OGDH: variants seen among roughly 807,000 people sequenced by gnomAD.
OGDH encodes 2-oxoglutarate dehydrogenase complex component E1.
In OGDH, 38 loss-of-function variants were observed where a neutral mutation model predicts 116.6. That is an observed-to-expected ratio of 0.33 (90% CI 0.25 to 0.43). The LOEUF is 0.43. OGDH is among the 20% of genes least tolerant of loss of function. The pLI, the probability that OGDH is intolerant of heterozygous loss-of-function variation, is 1.00. For synonymous variants in OGDH, 488 were observed against 533.3 expected, an observed-to-expected ratio of 0.92 and a Z score of 1.17; for missense variants, 825 against 1,357.2, an observed-to-expected ratio of 0.61 and a Z score of 6.16.
In OGDH at chr7:44,624,400, T is replaced by C. The variant is rs754488916; in HGVS notation, c.57T>C (p.Thr19=). 3.1e-5 allele frequency: 50 copies of C among 1,607,966 alleles called. No individual in the cohort carries two copies. Among genetic ancestry groups the C allele is most frequent in the Non-Finnish European group, 4.1e-5 (48 of 1,177,658 alleles). The part of the protein sequence containing the change: ...AKLRPLTASQ[T]VKTFSQNRPA... Reference sequence around the variant, plus strand: ...TGAGGCCATTGACGGCTTCCCAGACTGTTAAGACATTTTCACAAAACAGAC... The same window carrying C: ...TGAGGCCATTGACGGCTTCCCAGACCGTTAAGACATTTTCACAAAACAGAC... The change falls in exon 2 of 23, where the codon ACT becomes ACC. Residue 19 remains threonine (T), a synonymous_variant. Transcript: ENST00000222673.
In OGDH at chr7:44,619,432, A is replaced by G. The variant is rs80216863; in HGVS notation, c.-27-4885A>G. 2.5e-3 allele frequency among the ~76,000 whole-genome samples: 386 copies of G among 152,280 alleles called. 9 individuals carry two copies. In the East Asian group the frequency reaches 0.053, roughly 21 times the overall value. ...TATTGGTAGGGAGAATTCCCCACAC[A>G]TTTAGTCACAGAAATCTTCTGTGTT... On this transcript the variant is annotated intron_variant, in intron 1 of 22. Coordinates refer to ENST00000222673, the MANE Select transcript of OGDH (RefSeq NM_002541.4).
intron 2 of OGDH, among the ~76,000 whole-genome samples, chr7:44,637,857 A>G (rs566042497): frequency 6.6e-6 from 1 of 151,990 alleles, no homozygotes; most frequent in South Asian, 2.1e-4. Flanking sequence ...TTGACATGGT[A>G]CATCCTGCAC....
intron 5 of OGDH, among the ~76,000 whole-genome samples, chr7:44,672,699 G>A (rs1488849476): frequency 6.8e-6 from 1 of 148,064 alleles, no homozygotes; most frequent in Non-Finnish European, 1.5e-5. Flanking sequence ...CTGGAGTGCA[G>A]TGGCATGATC....
At position 44,624,453 on chromosome 7, in the gene OGDH, T is replaced by C. The variant is rs746426561; in HGVS notation, c.110T>C (p.Ile37Thr). 1 of 1,613,776 alleles carries C rather than the reference T, an allele frequency of 6.2e-7. No homozygotes were observed. The highest frequency in any genetic ancestry group is 1.3e-5 in the African/African-American group (1 of 74,808). Residue 37 changes from isoleucine (I) to threonine (T), a missense_variant, in exon 2 of 23, where the codon ATT becomes ACT. Ile to Thr is a moderately conservative substitution (Grantham distance 89, BLOSUM62 -1). Transcript: ENST00000222673. The stretch of plus-strand genomic sequence containing the variant: ...GCAGCAGCTAGGACATTTCAACAGA[T>C]TCGGTGCTATTCTGCACCTGTTGCT... ...RPAAARTFQQ[I>T]RCYSAPVAAE...
Position 44,697,745 on chromosome 7 carries a change from G to C in OGDH, c.2321G>C (p.Gly774Ala), listed in dbSNP as rs937655977. 10 of 1,614,168 alleles carry C rather than the reference G, an allele frequency of 6.2e-6. No homozygotes were observed. Among genetic ancestry groups the C allele is most frequent in the Non-Finnish European group, 8.5e-6 (10 of 1,180,016 alleles). The change falls in exon 17 of 23, where the codon GGC becomes GCC. Residue 774 changes from glycine to alanine, a missense_variant. Gly to Ala is a moderately conservative substitution (Grantham distance 60). Coordinates refer to ENST00000222673, the MANE Select transcript of OGDH (RefSeq NM_002541.4). This position sits in a 1 kb window ranked among gnomAD's most constrained non-coding sequence, Gnocchi z 6.0. ...CAAGCCAAGTGGGTGCGGCAGAATG[G>C]CATCGTGTTGCTGCTGCCCCATGGC... ...PGQAKWVRQN[G>A]IVLLLPHGME... is the part of the protein sequence containing the mutation.
At chr7:44,674,895 CTG>C (rs1787621831) in intron 7 of OGDH, 4 of 543,176 alleles carry the variant, frequency 7.4e-6, no homozygotes, top group Admixed American at 6.2e-5. Context: ...GAGGCCAAGA[CTG>C]TGAAAATAGG....
chr7:44,639,894 G>A lies in OGDH; in HGVS notation c.223-5433G>A, dbSNP rs113458991. Among the ~76,000 whole-genome samples, 13 of 152,330 alleles carry A rather than the reference G, an allele frequency of 8.5e-5. No homozygotes were observed. The East Asian group carries it at 1.2e-3, about 14-fold the overall frequency. On this transcript the variant is annotated intron_variant, in intron 2 of 22. Coordinates refer to ENST00000222673, the MANE Select transcript of OGDH (RefSeq NM_002541.4). ...GGATTCCCAGCAGCTCAGCAGTACC[G>A]GTATGAACCAGTTTTTTTCTGACTG...
At chr7:44,647,062 C>G (rs1205813036) in intron 3 of OGDH, among the ~76,000 whole-genome samples, 2 of 152,222 alleles carry the variant, frequency 1.3e-5, no homozygotes, top group Non-Finnish European at 2.9e-5. Context: ...GCTGGAACTA[C>G]AGGCATGTGC....
At chr7:44,657,973 G>A (rs1156388357) in intron 4 of OGDH, among the ~76,000 whole-genome samples, 1 of 152,114 alleles carries the variant, frequency 6.6e-6, no homozygotes, top group East Asian at 1.9e-4. Flanking sequence ...TCTATATCTG[G>A]ATTTTCAGTT....
At chr7:44,674,009 C>G in intron 6 of OGDH, 68 bp downstream of exon 6, 1 of 1,588,898 alleles carries the variant, frequency 6.3e-7, no homozygotes, top group South Asian at 1.1e-5. Context: ...CTGTGTTGAT[C>G]GGGCCTGTGT....
At chr7:44,658,749 A>G (rs1786805924) in intron 4 of OGDH, among the ~76,000 whole-genome samples, 1 of 152,044 alleles carries the variant, frequency 6.6e-6, no homozygotes, top group South Asian at 2.1e-4. Flanking sequence ...CTCTGTATTC[A>G]TATTTTTTCT....
intron 10 of OGDH, among the ~76,000 whole-genome samples, chr7:44,683,180 G>GA (rs535407924): frequency 6.6e-6 from 1 of 151,864 alleles, no homozygotes; most frequent in African/African-American, 2.4e-5. Context: ...AAATAAAAAA[G>GA]AAAAAAATAG....
At chr7:44,615,456 G>A (rs1784734523) in intron 1 of OGDH, among the ~76,000 whole-genome samples, 1 of 152,206 alleles carries the variant, frequency 6.6e-6, no homozygotes, top group Non-Finnish European at 1.5e-5. Context: ...TTATCAGGGA[G>A]TGAGTTGGAA....
chr7:44,611,475 C>A (rs1003007063), intron 1 of OGDH, among the ~76,000 whole-genome samples: 1 of 151,860 alleles, frequency 6.6e-6, no homozygotes, highest in Non-Finnish European at 1.5e-5. Context: ...CGGGGTTTCA[C>A]TGTGTTACCC....
intron 1 of OGDH, among the ~76,000 whole-genome samples, chr7:44,609,692 C>T (rs1007454405): frequency 6.6e-6 from 1 of 152,074 alleles, no homozygotes; most frequent in Non-Finnish European, 1.5e-5. Context: ...CATAAATTGA[C>T]ATTTCTCCAA....
At chr7:44,619,735 GT>G (rs976093397) in intron 1 of OGDH, among the ~76,000 whole-genome samples, 4 of 151,872 alleles carry the variant, frequency 2.6e-5, no homozygotes, top group East Asian at 1.9e-4. Flanking sequence ...TTGTGTACAA[GT>G]TTTTTTTGTG....
At chr7:44,646,733 A>G (rs762927921) in intron 3 of OGDH, among the ~76,000 whole-genome samples, 25 of 152,146 alleles carry the variant, frequency 1.6e-4, no homozygotes, top group Non-Finnish European at 3.2e-4. Flanking sequence ...AAATAGTTCA[A>G]ATCAGATGCT....
intron 3 of OGDH, chr7:44,647,327 T>G: frequency 1.5e-6 from 1 of 647,402 alleles, no homozygotes; most frequent in Non-Finnish European, 2.7e-6. Flanking sequence ...TTTTGTCGTA[T>G]GGGTTTATTG....
At chr7:44,630,040 C>T (rs1044031447) in intron 2 of OGDH, among the ~76,000 whole-genome samples, 37 of 152,258 alleles carry the variant, frequency 2.4e-4, no homozygotes, top group African/African-American at 8.4e-4. Flanking sequence ...GCTCATCTGT[C>T]GACACCGTTC....
Sources: gnomAD v4.1 joint callset for allele counts (sites outside exome capture counted in the v4.1 genomes callset) on GRCh38, gnomAD v4.1.1 for gene constraint, Gnocchi (gnomAD v3.1) non-coding constraint, MANE v1.5 for transcripts, NCBI Gene and HGNC (gene_info 2026-07-23, HGNC 2026-07-21) for gene names.